SORCS3: variants seen among roughly 807,000 people sequenced by gnomAD.
SORCS3 encodes sortilin related VPS10 domain containing receptor 3.
SORCS3 carries 57 observed loss-of-function variants against 146.3 expected under a neutral mutation model. That is an observed-to-expected ratio of 0.39 (90% CI 0.31 to 0.49). The LOEUF is 0.49. Among genes scored for constraint, SORCS3 ranks in the 20% least tolerant of loss-of-function variants. The pLI, the probability that SORCS3 is intolerant of heterozygous loss-of-function variation, is 0.92. For missense variants in SORCS3, 1,341 were observed against 1,575.5 expected, an observed-to-expected ratio of 0.85 and a Z score of 2.52; for synonymous variants, 653 against 618.5, an observed-to-expected ratio of 1.06 and a Z score of -0.83.
At chr10:104,681,914 C>G (rs757455214) in intron 1 of SORCS3, among the ~76,000 whole-genome samples, 1 of 152,218 alleles carries the variant, frequency 6.6e-6, no homozygotes, top group African/African-American at 2.4e-5. Context: ...CCACATATTT[C>G]TCTTTTTTTT....
intron 7 of SORCS3, among the ~76,000 whole-genome samples, chr10:105,127,091 T>A (rs1280763318): frequency 6.6e-6 from 1 of 152,072 alleles, no homozygotes. Context: ...GTATCCATAA[T>A]GAGATTTTTA....
chr10:105,050,339 A>G (rs938244223), intron 5 of SORCS3, among the ~76,000 whole-genome samples: 7 of 152,066 alleles, frequency 4.6e-5, no homozygotes, highest in Non-Finnish European at 1.5e-5. Context: ...AGGTTACCAA[A>G]AGACAATGTT....
intron 11 of SORCS3, among the ~76,000 whole-genome samples, chr10:105,162,687 G>C (rs747654169): frequency 3.3e-5 from 5 of 152,070 alleles, no homozygotes; most frequent in Non-Finnish European, 1.5e-5. Context: ...ACCACCATAA[G>C]GCCCCCAAAA....
chr10:105,084,770 G>A (rs534060337), intron 5 of SORCS3, among the ~76,000 whole-genome samples: 4 of 148,310 alleles, frequency 2.7e-5, no homozygotes, highest in Admixed American at 6.8e-5. Context: ...TCGCTCTGTC[G>A]CCCAGGCTGA....
intron 1 of SORCS3, among the ~76,000 whole-genome samples, chr10:104,662,365 A>C (rs540689010): frequency 2.1e-4 from 32 of 152,352 alleles, no homozygotes; most frequent in African/African-American, 7.7e-4. Context: ...ATCTTGTTTA[A>C]TCTTCATGGT....
chr10:105,252,814 T>C lies in SORCS3; in HGVS notation c.3145T>C (p.Phe1049Leu). 6.2e-7 allele frequency: 1 copy of C among 1,614,116 alleles called. No homozygotes were observed. The highest frequency in any genetic ancestry group is 8.5e-7 in the Non-Finnish European group (1 of 1,179,998). The change falls in exon 23 of 27, where the codon TTT (phenylalanine) becomes CTT (leucine). Residue 1049 changes from phenylalanine (F) to leucine (L), a missense_variant. Phe to Leu is a conservative substitution (Grantham distance 22, BLOSUM62 0). Transcript: ENST00000369701. Reference protein sequence around the residue: ...VPEDQILIAVFPGLPTSAELF... With the variant: ...VPEDQILIAVLPGLPTSAELF... ...AGAGGACCAGATCCTCATTGCCGTG[T>C]TTCCTGGTCTCCCCACTTCAGCAGA...
chr10:105,037,333 G>A (rs2055313341), intron 4 of SORCS3, among the ~76,000 whole-genome samples: 1 of 152,216 alleles, frequency 6.6e-6, no homozygotes, highest in South Asian at 2.1e-4. Flanking sequence ...AGATGCCCAT[G>A]TTAGTTTCCT....
chr10:105,171,737 C>T (rs1418226823), intron 13 of SORCS3, among the ~76,000 whole-genome samples: 1 of 152,182 alleles, frequency 6.6e-6, no homozygotes, highest in Non-Finnish European at 1.5e-5. Flanking sequence ...GAGGGAGGAA[C>T]ATTGATTCTC....
intron 20 of SORCS3, among the ~76,000 whole-genome samples, chr10:105,241,840 G>A (rs2056825357): frequency 1.3e-5 from 2 of 152,080 alleles, no homozygotes; most frequent in Admixed American, 1.3e-4. Context: ...ATGCAAAAAA[G>A]GATCAAGTGA....
At chr10:104,814,805 C>T (rs544371876) in intron 1 of SORCS3, among the ~76,000 whole-genome samples, 12 of 152,302 alleles carry the variant, frequency 7.9e-5, no homozygotes, top group African/African-American at 2.9e-4. Context: ...TGCTTCAAGA[C>T]CTATGCCAAA....
At chr10:105,077,018 C>A (rs768440416) in intron 5 of SORCS3, among the ~76,000 whole-genome samples, 27 of 152,144 alleles carry the variant, frequency 1.8e-4, no homozygotes, top group Non-Finnish European at 3.4e-4. Flanking sequence ...GGGGATTGGC[C>A]TCTTGACATG....
At chr10:104,746,265 TA>T (rs1285441361) in intron 1 of SORCS3, among the ~76,000 whole-genome samples, 6 of 152,032 alleles carry the variant, frequency 3.9e-5, no homozygotes, top group Admixed American at 2.6e-4. Flanking sequence ...GCCTCCCCAG[TA>T]GCTGGGACTA....
intron 1 of SORCS3, among the ~76,000 whole-genome samples, chr10:104,750,135 T>C (rs1164680395): frequency 2.6e-5 from 4 of 152,114 alleles, no homozygotes; most frequent in Non-Finnish European, 4.4e-5. Flanking sequence ...GATCCTGGAA[T>C]GGTGGGCTTG....
At position 104,802,080 on chromosome 10, in the gene SORCS3, T is replaced by C. The variant is rs115221815; in HGVS notation, c.628-40712T>C. Among the ~76,000 whole-genome samples, 676 of 152,306 alleles carry C rather than the reference T, an allele frequency of 4.4e-3. 3 individuals carry two copies. Among genetic ancestry groups the C allele is most frequent in the African/African-American group, 0.015 (632 of 41,566 alleles). On this transcript the variant is annotated intron_variant, in intron 1 of 26. Transcript: ENST00000369701. ...GTGAGTCATTCTTCTTGGTAATTAG[T>C]TGTAGTGATTAGAATAGCTTTTATA... is the stretch of plus-strand genomic sequence containing the variant.
At chr10:105,042,753 T>A (rs1174605308) in intron 4 of SORCS3, among the ~76,000 whole-genome samples, 2 of 152,176 alleles carry the variant, frequency 1.3e-5, no homozygotes, top group African/African-American at 4.8e-5. Flanking sequence ...TAGTCTTATT[T>A]TTCCTGGGAG....
At chr10:105,220,339 C>T (rs78400874) in intron 19 of SORCS3, among the ~76,000 whole-genome samples, 98 of 152,270 alleles carry the variant, frequency 6.4e-4, no homozygotes, top group Non-Finnish European at 9.0e-4. Flanking sequence ...AAGTTGTGAA[C>T]GCCACATCCT....
At chr10:104,948,499 T>G (rs2019395944) in intron 3 of SORCS3, among the ~76,000 whole-genome samples, 2 of 152,220 alleles carry the variant, frequency 1.3e-5, no homozygotes, top group Non-Finnish European at 2.9e-5. Context: ...GAACTGAGTT[T>G]GCAAATGAAT....
chr10:105,042,307 A>C (rs1250123454), intron 4 of SORCS3, among the ~76,000 whole-genome samples: 1 of 152,238 alleles, frequency 6.6e-6, no homozygotes, highest in Admixed American at 6.5e-5. Flanking sequence ...AGTTAGTAAT[A>C]ACTGTCCTAC....
intron 1 of SORCS3, among the ~76,000 whole-genome samples, chr10:104,776,823 A>G (rs1485268244): frequency 1.3e-5 from 2 of 151,432 alleles, no homozygotes; most frequent in East Asian, 3.9e-4. Flanking sequence ...ATCTTCACTA[A>G]CGGTATCAGC....
Sources: allele counts gnomAD v4.1 joint callset (sites outside exome capture counted in the v4.1 genomes callset), GRCh38; gene constraint gnomAD v4.1.1; transcripts MANE v1.5; gene names NCBI Gene and HGNC (gene_info 2026-07-23, HGNC 2026-07-21).